The following ASCC2 variants were observed in gnomAD, a reference collection of about 807,000 sequenced individuals.
ASCC2 encodes ASC-1 complex subunit P100.
In ASCC2, 42 loss-of-function variants were observed where a neutral mutation model predicts 93.5. The ratio of observed to expected loss-of-function variants is 0.45; its 90% CI spans 0.35 to 0.58. The LOEUF is 0.58. ASCC2 is among the 20% of genes least tolerant of loss of function. The pLI, the probability that ASCC2 is intolerant of heterozygous loss-of-function variation, is 0.00. For synonymous variants in ASCC2, 364 were observed against 384.2 expected, an observed-to-expected ratio of 0.95 and a Z score of 0.62; for missense variants, 859 against 977.6, an observed-to-expected ratio of 0.88 and a Z score of 1.62.
intron 15 of ASCC2, among the ~76,000 whole-genome samples, chr22:29,797,864 CA>C (rs1159922932): frequency 6.6e-6 from 1 of 152,218 alleles, no homozygotes; most frequent in Non-Finnish European, 1.5e-5. Flanking sequence ...CTCCCAGGTT[CA>C]AATGATTCTC....
chr22:29,810,486 C>A (rs1316210983), intron 8 of ASCC2, among the ~76,000 whole-genome samples: 1 of 152,204 alleles, frequency 6.6e-6, no homozygotes, highest in East Asian at 1.9e-4. Context: ...GCAGGCCCTA[C>A]TAGGCCCACA....
intron 8 of ASCC2, among the ~76,000 whole-genome samples, chr22:29,810,941 G>T (rs896114995): frequency 2.6e-5 from 4 of 152,144 alleles, no homozygotes; most frequent in Non-Finnish European, 4.4e-5. Context: ...ATGTTGGCCA[G>T]GCTGGTCTCG....
chr22:29,828,669 G>C (rs2062746973), intron 2 of ASCC2, among the ~76,000 whole-genome samples: 1 of 152,076 alleles, frequency 6.6e-6, no homozygotes, highest in African/African-American at 2.4e-5. Context: ...CTCAGCACCT[G>C]CATTCTGTGC....
rs2062238042 is a variant in ASCC2 at position 29,825,887 on chromosome 22, C to G, written c.82-107G>C. 1.5e-6 allele frequency: 2 copies of G among 1,350,778 alleles called. No individual in the cohort carries two copies. The highest frequency in any genetic ancestry group is 2.9e-5 in the African/African-American group (2 of 68,298). 83.7% of individuals were successfully genotyped at this position (1,350,778 alleles called of 1,614,324 possible). A position where few individuals can be genotyped will look rare whatever the true frequency, so the allele number is the denominator to read the frequency against. Reference sequence around the variant, plus strand: ...CTTGGCTGTTCCAACCGGTGACCCTCCAAGGAGCTTTTAAGCATAAAGAAC... The same window carrying G: ...CTTGGCTGTTCCAACCGGTGACCCTGCAAGGAGCTTTTAAGCATAAAGAAC... On this transcript the variant is annotated intron_variant, in intron 2 of 19. Transcript: ENST00000307790. This position sits in a 1 kb window ranked among gnomAD's most constrained non-coding sequence, Gnocchi z 4.9.
In ASCC2 at chr22:29,792,485, T is replaced by G; in HGVS notation, c.1970A>C (p.Gln657Pro). ...VLRTKVPREGQEEDDDDEEDD... is the reference protein window; with the variant it reads ...VLRTKVPREGPEEDDDDEEDD... The stretch of plus-strand genomic sequence containing the variant: ...TTCCTCATCGTCGTCATCCTCCTCC[T>G]GCCCTTCTCTAGGCACTTTGGTTCT... The change falls in exon 18 of 20, where the codon CAG becomes CCG. Residue 657 changes from glutamine to proline, a missense_variant. Gln to Pro is a moderately conservative substitution (Grantham distance 76, BLOSUM62 -1). Transcript: ENST00000307790. The G allele has an allele frequency of 6.2e-7, 1 of 1,614,050 alleles. No homozygotes were observed. The highest frequency in any genetic ancestry group is 1.3e-5 in the African/African-American group (1 of 75,036).
intron 17 of ASCC2, 87 bp from the exon 18 acceptor site, chr22:29,792,622 T>C (rs9614057): frequency 0.13 from 207,723 of 1,564,858 alleles, 15,760 homozygotes; most frequent in Non-Finnish European, 0.16. Context: ...TTGGGTGAGA[T>C]GGGGCCGCCA....
intron 2 of ASCC2, among the ~76,000 whole-genome samples, chr22:29,827,781 C>CAT (rs2062571226): frequency 9.0e-6 from 1 of 110,852 alleles, no homozygotes; most frequent in African/African-American, 4.0e-5. Flanking sequence ...CACACACACA[C>CAT]ACACACACAC....
Position 29,790,502 on chromosome 22 carries a change from T to G in ASCC2, c.2069A>C (p.Glu690Ala). The change falls in exon 19 of 20, where the codon GAA becomes GCA. Residue 690 changes from glutamate (E) to alanine (A), a missense_variant. Coordinates refer to ENST00000307790, the MANE Select transcript of ASCC2 (RefSeq NM_032204.5). ...GGCGAGAAAGGCCATGCGCCTGGCT[T>G]CTGCCTTCTCTCTCAGCACTGCAGG... is the stretch of plus-strand genomic sequence containing the variant. Reference protein sequence around the residue: ...QDPAVLREKAEARRMAFLAKK... With the variant: ...QDPAVLREKAAARRMAFLAKK... 6.2e-7 allele frequency: 1 copy of G among 1,614,152 alleles called. No individual in the cohort carries two copies. The highest frequency in any genetic ancestry group is 1.6e-4 in the Middle Eastern group (1 of 6,062).
At chr22:29,827,548 A>G (rs375222575) in intron 2 of ASCC2, 2 of 470,698 alleles carry the variant, frequency 4.2e-6, no homozygotes, top group East Asian at 1.4e-4. Context: ...GTGGGTCTGC[A>G]GGACCCCCTC....
intron 5 of ASCC2, among the ~76,000 whole-genome samples, chr22:29,816,282 G>T (rs1483522320): frequency 6.6e-6 from 1 of 152,142 alleles, no homozygotes; most frequent in Non-Finnish European, 1.5e-5. Flanking sequence ...GGGTGGGGGA[G>T]GGACCTTGCT....
At chr22:29,833,624 A>ATT (rs2063414691) in intron 1 of ASCC2, 5 of 470,990 alleles carry the variant, frequency 1.1e-5, no homozygotes, top group Non-Finnish European at 2.2e-5. Flanking sequence ...CCTGACCCAC[A>ATT]GAAGGGACAT....
Position 29,792,417 on chromosome 22 carries a change from C to T in ASCC2, c.2022+16G>A. 6.2e-7 allele frequency: 1 copy of T among 1,613,492 alleles called. No individual in the cohort carries two copies. Among genetic ancestry groups the T allele is most frequent in the Non-Finnish European group, 8.5e-7 (1 of 1,179,592 alleles). On this transcript the variant is annotated intron_variant, in intron 18 of 19. Transcript: ENST00000307790. ...ACTGCACTCTCCCCTTCATCTGCTA[C>T]CTGCCAGGGAGGTACCTTGGGAGCC...
chr22:29,821,297 C>G (rs2061527631), intron 5 of ASCC2, among the ~76,000 whole-genome samples: 1 of 152,236 alleles, frequency 6.6e-6, no homozygotes, highest in Non-Finnish European at 1.5e-5. Flanking sequence ...AGAGCCCTCT[C>G]TGAACTCTGT....
chr22:29,802,072 T>A lies in ASCC2; in HGVS notation c.1490A>T (p.Asp497Val), dbSNP rs752966932. The part of the protein sequence containing the change: ...ILACLEYYHY[D>V]PEQVINNILE... ...GATATTGTTGATCACCTGCTCTGGG[T>A]CGTAGTGGTAGTACTCCAGGCAGGC... Residue 497 changes from aspartate to valine, a missense_variant, in exon 14 of 20, where the codon GAC (aspartate) becomes GTC (valine). Coordinates refer to ENST00000307790, the MANE Select transcript of ASCC2 (RefSeq NM_032204.5). The A allele has an allele frequency of 3.1e-6, 5 of 1,614,034 alleles. No homozygotes were observed. The highest frequency in any genetic ancestry group is 4.2e-6 in the Non-Finnish European group (5 of 1,179,990).
Position 29,793,504 on chromosome 22 carries a change from A to G in ASCC2, c.1789-14T>C. ...CTGCAGTGGCACCTGCAATGGCATA[A>G]GCATGGGTCTGGGGGGCTCAGGGGC... On this transcript the variant is annotated splice_polypyrimidine_tract_variant and intron_variant, in intron 16 of 19. Coordinates refer to ENST00000307790, the MANE Select transcript of ASCC2 (RefSeq NM_032204.5). 6.2e-7 allele frequency: 1 copy of G among 1,614,110 alleles called. No individual in the cohort carries two copies.
intron 2 of ASCC2, chr22:29,826,241 G>C (rs961973023): frequency 6.5e-6 from 1 of 153,050 alleles, no homozygotes; most frequent in African/African-American, 2.4e-5. Context: ...GGGGGCGGGG[G>C]GTGGTGAATT....
intron 12 of ASCC2, 139 bp from the exon 13 acceptor site, chr22:29,804,969 C>T: frequency 1.2e-6 from 1 of 855,308 alleles, no homozygotes; most frequent in Non-Finnish European, 1.8e-6. Flanking sequence ...AGCCCACGGG[C>T]ACCTGGGCTG....
In ASCC2 at chr22:29,825,774, C is replaced by G; in HGVS notation, c.88G>C (p.Glu30Gln). The change falls in exon 3 of 20, where the codon GAG becomes CAG. Residue 30 changes from glutamate (E) to glutamine (Q), a missense_variant. Coordinates refer to ENST00000307790, the MANE Select transcript of ASCC2 (RefSeq NM_032204.5). This position sits in a 1 kb window ranked among gnomAD's most constrained non-coding sequence, Gnocchi z 4.9. ...KLRTSPALHP[E>Q]QKADRYFVLY... ...ACAAAATACCGGTCTGCCTTCTGCT[C>G]GGGGTGCTACGGATCCAAAAACCAC... The G allele has an allele frequency of 6.2e-7, 1 of 1,604,292 alleles. No individual in the cohort carries two copies. The highest frequency in any genetic ancestry group is 8.5e-7 in the Non-Finnish European group (1 of 1,172,844).
Position 29,832,317 on chromosome 22 carries a change from A to G in ASCC2, c.9T>C (p.Ala3=). ...TGATCTGGAGTTGGTCCAGGGGCAG[A>G]GCTGGCATTGTGCTGCGTGACCCTC... MP[A]LPLDQLQITH... is the part of the protein sequence containing the mutation. The change falls in exon 2 of 20, where the codon GCT becomes GCC. Residue 3 remains alanine, a synonymous_variant. Coordinates refer to ENST00000307790, the MANE Select transcript of ASCC2 (RefSeq NM_032204.5). The G allele has an allele frequency of 6.2e-7, 1 of 1,613,798 alleles. No homozygotes were observed. Among genetic ancestry groups the G allele is most frequent in the Non-Finnish European group, 8.5e-7 (1 of 1,179,772 alleles).
Sources: gnomAD v4.1 joint callset for allele counts (sites outside exome capture counted in the v4.1 genomes callset) on GRCh38, gnomAD v4.1.1 for gene constraint, Gnocchi (gnomAD v3.1) non-coding constraint, MANE v1.5 for transcripts, NCBI Gene and HGNC (gene_info 2026-07-23, HGNC 2026-07-21) for gene names.